The following ADAM19 variants were observed in gnomAD, a reference collection of about 807,000 sequenced individuals.
ADAM19 encodes the protein disintegrin and metalloproteinase domain-containing protein 19.
In ADAM19, 65 loss-of-function variants were observed where a neutral mutation model predicts 114.7. The observed-to-expected ratio is 0.57, with a 90% CI of 0.46 to 0.70. ADAM19 has a LOEUF of 0.70. Among genes scored for constraint, ADAM19 ranks in the 30% least tolerant of loss-of-function variants. ADAM19 has a pLI of 0.00. For synonymous variants in ADAM19, 466 were observed against 460.5 expected, an observed-to-expected ratio of 1.01 and a Z score of -0.15; for missense variants, 1,063 against 1,204.7, an observed-to-expected ratio of 0.88 and a Z score of 1.74.
intron 7 of ADAM19, among the ~76,000 whole-genome samples, chr5:157,514,839 T>C (rs1756045124): frequency 6.6e-6 from 1 of 152,216 alleles, no homozygotes; most frequent in Admixed American, 6.5e-5. Context: ...CATTTAAAAA[T>C]GATGGGCATG....
At chr5:157,502,415 C>T (rs995627168) in intron 12 of ADAM19, among the ~76,000 whole-genome samples, 1 of 152,334 alleles carries the variant, frequency 6.6e-6, no homozygotes, top group East Asian at 1.9e-4. Context: ...TTATTTTAAG[C>T]ATCCTCATAA....
chr5:157,520,749 C>T (rs1756261961), intron 5 of ADAM19, among the ~76,000 whole-genome samples: 1 of 152,218 alleles, frequency 6.6e-6, no homozygotes, highest in Admixed American at 6.5e-5. Flanking sequence ...ACCTGCCCCA[C>T]GTCAGCACGG....
chr5:157,505,182 C>T (rs568091030), intron 11 of ADAM19, among the ~76,000 whole-genome samples: 2 of 151,262 alleles, frequency 1.3e-5, no homozygotes, highest in South Asian at 4.2e-4. Flanking sequence ...TCACCCTGTT[C>T]CTCATGGGTA....
intron 3 of ADAM19, among the ~76,000 whole-genome samples, chr5:157,543,285 A>G (rs948231139): frequency 6.6e-6 from 1 of 152,116 alleles, no homozygotes; most frequent in Non-Finnish European, 1.5e-5. Context: ...AGCCACATAA[A>G]CCCCCTCCAT....
rs567386114 is a variant in ADAM19, at chr5:157,545,884, T to A, written c.252-7893A>T. Among the ~76,000 whole-genome samples the A allele has an allele frequency of 1.5e-4, 23 of 152,324 alleles. No individual in the cohort carries two copies. In the South Asian group the frequency reaches 3.9e-3, roughly 26 times the overall value. Reference sequence around the variant, plus strand: ...GGTACAAACTGCAGGCCACCTGGCATCAGGAGGCCAGAGTTTCTCACAGCT... The same window carrying A: ...GGTACAAACTGCAGGCCACCTGGCAACAGGAGGCCAGAGTTTCTCACAGCT... On this transcript the variant is annotated intron_variant, in intron 3 of 22. Transcript: ENST00000257527.
chr5:157,519,079 G>T (rs1756188964), intron 6 of ADAM19, among the ~76,000 whole-genome samples, 191 bp from the exon 7 acceptor site: 1 of 152,150 alleles, frequency 6.6e-6, no homozygotes, highest in African/African-American at 2.4e-5. Flanking sequence ...TTTGGTTATT[G>T]CTGGAGGCTG....
chr5:157,562,146 TAG>T (rs1757526745), intron 3 of ADAM19, among the ~76,000 whole-genome samples: 1 of 152,128 alleles, frequency 6.6e-6, no homozygotes, highest in Non-Finnish European at 1.5e-5. Flanking sequence ...ATAAACACAC[TAG>T]GAAGTCGTGT....
intron 19 of ADAM19, among the ~76,000 whole-genome samples, chr5:157,490,031 G>A (rs1466068933): frequency 1.3e-5 from 2 of 152,136 alleles, no homozygotes; most frequent in Non-Finnish European, 2.9e-5. Flanking sequence ...ACTAGACAAA[G>A]GATGGCAAAT....
At chr5:157,554,871 C>T (rs1757323305) in intron 3 of ADAM19, among the ~76,000 whole-genome samples, 1 of 152,194 alleles carries the variant, frequency 6.6e-6, no homozygotes, top group African/African-American at 2.4e-5. Flanking sequence ...CCAAAGCTTA[C>T]ACCTCCAGGT....
chr5:157,521,711 G>A (rs1253037303), intron 5 of ADAM19, among the ~76,000 whole-genome samples: 5 of 152,200 alleles, frequency 3.3e-5, no homozygotes, highest in Non-Finnish European at 2.9e-5. Context: ...ATCTGGGGGT[G>A]GGAGCGTGGC....
rs1018571798 is a variant in ADAM19 at position 157,511,604 on chromosome 5, CA to C, written c.738+1829del. On this transcript the variant is annotated intron_variant, in intron 8 of 22. Transcript: ENST00000257527. ...TACAGAAAATAAAAGGTTCAGATTC[CA>C]ATTTGAATTTGCTTTACTAGGGAGC... is the stretch of plus-strand genomic sequence containing the variant. Among the ~76,000 whole-genome samples the C allele has an allele frequency of 2.0e-4, 30 of 152,244 alleles. 1 individual carries two copies. Among genetic ancestry groups the C allele is most frequent in the African/African-American group, 7.0e-4 (29 of 41,534 alleles).
chr5:157,489,046 C>T, intron 20 of ADAM19, 56 bp downstream of exon 20: 4 of 1,086,208 alleles, frequency 3.7e-6, no homozygotes, highest in Non-Finnish European at 5.4e-6. Context: ...AAAAATACAG[C>T]ATGGCCCTGA....
chr5:157,495,782 CA>C lies in ADAM19; in HGVS notation c.1595-988del, dbSNP rs201997567. On this transcript the variant is annotated intron_variant, in intron 14 of 22. Coordinates refer to ENST00000257527, the MANE Select transcript of ADAM19 (RefSeq NM_033274.5). ...TCGAGTAGCTGGAATTACAGGCGTC[CA>C]CCACCACGCCTGGCTAATTTTTGTA... Among the ~76,000 whole-genome samples the C allele has an allele frequency of 6.8e-3, 1,028 of 152,106 alleles. 6 individuals carry two copies. The highest frequency in any genetic ancestry group is 0.023 in the African/African-American group (967 of 41,468).
intron 3 of ADAM19, among the ~76,000 whole-genome samples, chr5:157,560,129 G>C (rs1757471243): frequency 6.6e-6 from 1 of 150,662 alleles, no homozygotes; most frequent in Admixed American, 6.6e-5. Flanking sequence ...GCCGGGCGTA[G>C]TGGCGGGCGC....
intron 3 of ADAM19, among the ~76,000 whole-genome samples, chr5:157,552,087 G>A (rs1001306659): frequency 6.6e-6 from 1 of 152,108 alleles, no homozygotes; most frequent in Non-Finnish European, 1.5e-5. Context: ...GAAGGCGGAG[G>A]TTGCAGTGAG....
chr5:157,548,647 G>A (rs1757109934), intron 3 of ADAM19, among the ~76,000 whole-genome samples: 2 of 152,176 alleles, frequency 1.3e-5, no homozygotes, highest in African/African-American at 4.8e-5. Flanking sequence ...ATGTCACTGA[G>A]TTCTAAATAA....
rs142641624 is a variant in ADAM19, at chr5:157,544,380, C to T, written c.252-6389G>A. 4.6e-5 allele frequency among the ~76,000 whole-genome samples: 7 copies of T among 152,350 alleles called. No individual in the cohort carries two copies. The East Asian group carries it at 7.7e-4, about 17-fold the overall frequency. ...ACTCCCTTTCACCAACCACTTCCCA[C>T]GACATCTTCTCCCAGTCCGCACAAG... On this transcript the variant is annotated intron_variant, in intron 3 of 22. Coordinates refer to ENST00000257527, the MANE Select transcript of ADAM19 (RefSeq NM_033274.5).
intron 3 of ADAM19, 132 bp downstream of exon 3, chr5:157,564,241 C>T: frequency 1.3e-6 from 1 of 780,938 alleles, no homozygotes; most frequent in Non-Finnish European, 2.2e-6. Context: ...CAAGATGCTG[C>T]CTGAAAGAAA....
chr5:157,525,311 C>T (rs1357772350), intron 5 of ADAM19, among the ~76,000 whole-genome samples: 2 of 152,194 alleles, frequency 1.3e-5, no homozygotes, highest in African/African-American at 2.4e-5. Flanking sequence ...CCAGGGCTGG[C>T]TGTGTGTATA....
Sources: gnomAD v4.1 joint callset for allele counts (sites outside exome capture counted in the v4.1 genomes callset) on GRCh38, gnomAD v4.1.1 for gene constraint, MANE v1.5 for transcripts, NCBI Gene and HGNC (gene_info 2026-07-23, HGNC 2026-07-21) for gene names.